Variants in SUPT3H observed in about 807,000 individuals in gnomAD.
SUPT3H encodes transcription initiation protein SPT3 homolog.
SUPT3H carries 44 observed loss-of-function variants against 44.3 expected under a neutral mutation model. The observed-to-expected ratio is 0.99, with a 90% CI of 0.78 to 1.28. The LOEUF is 1.28. Ranked by LOEUF, SUPT3H falls within the 50% of genes most tolerant of loss-of-function variation. The pLI is 0.00. For synonymous variants in SUPT3H, 124 were observed against 125.6 expected, an observed-to-expected ratio of 0.99 and a Z score of 0.09; for missense variants, 380 against 387.1, an observed-to-expected ratio of 0.98 and a Z score of 0.15.
intron 2 of SUPT3H, among the ~76,000 whole-genome samples, chr6:45,184,433 C>A (rs774139664): frequency 5.9e-5 from 9 of 151,964 alleles, no homozygotes; most frequent in Non-Finnish European, 1.3e-4. Context: ...GGAAAAAATT[C>A]TCACCAAATA....
intron 2 of SUPT3H, among the ~76,000 whole-genome samples, chr6:45,142,225 C>A (rs571252974): frequency 2.7e-4 from 41 of 152,202 alleles, no homozygotes; most frequent in African/African-American, 9.6e-4. Context: ...ACCAAGCCAG[C>A]ACTACAAGAA....
chr6:45,079,289 G>A (rs553962500), intron 3 of SUPT3H, among the ~76,000 whole-genome samples: 5 of 152,026 alleles, frequency 3.3e-5, no homozygotes, highest in East Asian at 1.9e-4. Context: ...CAGCCTGGGC[G>A]CCAGAGTGAG....
chr6:44,960,879 T>C (rs1274142638), intron 7 of SUPT3H, among the ~76,000 whole-genome samples: 2 of 152,202 alleles, frequency 1.3e-5, no homozygotes, highest in Non-Finnish European at 2.9e-5. Context: ...CTATGCAATG[T>C]GTCATTTATT....
At chr6:44,989,869 T>C (rs1562211335) in intron 6 of SUPT3H, among the ~76,000 whole-genome samples, 1 of 152,174 alleles carries the variant, frequency 6.6e-6, no homozygotes, top group East Asian at 1.9e-4. Context: ...TATTGAGTTG[T>C]GTGAGTTCCT....
At chr6:45,326,446 T>C (rs550446630) in intron 2 of SUPT3H, among the ~76,000 whole-genome samples, 1 of 151,966 alleles carries the variant, frequency 6.6e-6, no homozygotes, top group South Asian at 2.1e-4. Context: ...AGAGAAAAAA[T>C]AATTTTTCTC....
intron 2 of SUPT3H, among the ~76,000 whole-genome samples, chr6:45,216,365 A>T (rs1765059274): frequency 6.6e-6 from 1 of 152,028 alleles, no homozygotes; most frequent in African/African-American, 2.4e-5. Context: ...ACGAAACTGT[A>T]AAAAAAATTA....
chr6:44,910,917 C>T (rs1766919391), intron 10 of SUPT3H, among the ~76,000 whole-genome samples: 1 of 141,624 alleles, frequency 7.1e-6, no homozygotes, highest in Non-Finnish European at 1.5e-5. Flanking sequence ...ACCATTTGAA[C>T]CTGGGAGGCA....
intron 2 of SUPT3H, among the ~76,000 whole-genome samples, chr6:45,295,539 A>C (rs1042272742): frequency 4.1e-5 from 6 of 147,348 alleles, no homozygotes; most frequent in Admixed American, 6.7e-5. Flanking sequence ...AAAAAAAAAA[A>C]AAAAAAAAAA....
chr6:45,222,306 A>C (rs1027348996), intron 2 of SUPT3H, among the ~76,000 whole-genome samples: 1 of 152,188 alleles, frequency 6.6e-6, no homozygotes, highest in Admixed American at 6.5e-5. Context: ...ATGAACAGAT[A>C]AACTACAAAC....
chr6:44,988,609 AT>A (rs1230280038), intron 6 of SUPT3H, among the ~76,000 whole-genome samples: 10 of 151,406 alleles, frequency 6.6e-5, no homozygotes, highest in African/African-American at 2.2e-4. Context: ...CTATTGTTAA[AT>A]AAAAATTTTC....
intron 7 of SUPT3H, among the ~76,000 whole-genome samples, chr6:44,956,783 T>C (rs3823254): frequency 0.077 from 11,713 of 152,248 alleles, 909 homozygotes; most frequent in African/African-American, 0.19. Context: ...TCTTCATTCA[T>C]ATGAATCTTG....
chr6:44,823,707 A>G (rs1185944617), downstream of SUPT3H, among the ~76,000 whole-genome samples: 3 of 152,208 alleles, frequency 2.0e-5, no homozygotes, highest in Non-Finnish European at 4.4e-5. Flanking sequence ...CACGCCTGTA[A>G]TCCCAGCACT....
At chr6:45,105,853 G>T in intron 3 of SUPT3H, 69 bp downstream of exon 3, 1 of 1,209,700 alleles carries the variant, frequency 8.3e-7, no homozygotes, top group Non-Finnish European at 1.2e-6. Context: ...TGTTTTTAAA[G>T]TGTTGGGTTA....
At chr6:45,354,979 T>A (rs762860931) in intron 2 of SUPT3H, among the ~76,000 whole-genome samples, 1 of 152,116 alleles carries the variant, frequency 6.6e-6, no homozygotes, top group Admixed American at 6.6e-5. Context: ...AATAGCACTT[T>A]GAGGTTTTTT....
chr6:44,980,409 GC>G (rs1778938051), intron 6 of SUPT3H, among the ~76,000 whole-genome samples: 1 of 152,104 alleles, frequency 6.6e-6, no homozygotes, highest in Non-Finnish European at 1.5e-5. Flanking sequence ...GAAGTTGAGG[GC>G]CTGCTGTACA....
chr6:45,377,786 TGGA>T lies in SUPT3H; in HGVS notation c.-22_-20del, dbSNP rs1797037475. On this transcript the variant is annotated 5_prime_UTR_variant, in exon 1 of 11. Transcript: ENST00000371459. The stretch of plus-strand genomic sequence containing the variant: ...CTACAACCTCTGCTTTAAGAACCCT[TGGA>T]GGCACTGCTGCGCTTCCCGCGAGGA... 4 of 152,736 alleles carry T rather than the reference TGGA, an allele frequency of 2.6e-5. 1 individual carries two copies. The highest frequency in any genetic ancestry group is 2.6e-4 in the Admixed American group (4 of 15,308). The allele number at this position is 152,736 out of a possible 1,614,324, so 9.5% of individuals were successfully genotyped here.
intron 2 of SUPT3H, among the ~76,000 whole-genome samples, chr6:45,109,210 A>G (rs942715423): frequency 1.3e-5 from 2 of 152,136 alleles, no homozygotes; most frequent in Non-Finnish European, 2.9e-5. Flanking sequence ...AAAGAGAATA[A>G]AAAGTCCACA....
chr6:45,244,889 A>C (rs1771063895), intron 2 of SUPT3H, among the ~76,000 whole-genome samples: 1 of 152,118 alleles, frequency 6.6e-6, no homozygotes, highest in African/African-American at 2.4e-5. Context: ...ATGTCTTATA[A>C]ATCTATACTA....
chr6:45,367,486 G>T (rs572871069), intron 1 of SUPT3H, among the ~76,000 whole-genome samples: 474 of 152,106 alleles, frequency 3.1e-3, no homozygotes, highest in Non-Finnish European at 5.2e-3. Flanking sequence ...GTCCAAGACT[G>T]GGGGAAAACA....
Sources: allele counts gnomAD v4.1 joint callset (sites outside exome capture counted in the v4.1 genomes callset), GRCh38; gene constraint gnomAD v4.1.1; transcripts MANE v1.5; gene names NCBI Gene and HGNC (gene_info 2026-07-23, HGNC 2026-07-21).